The following DNAH3 variants were observed in gnomAD, a reference collection of about 807,000 sequenced individuals.
The protein encoded by DNAH3 is axonemal beta dynein heavy chain 3.
DNAH3 carries 332 observed loss-of-function variants against 432.5 expected under a neutral mutation model. The observed-to-expected ratio is 0.77, with a 90% CI of 0.70 to 0.84. DNAH3 has a LOEUF of 0.84. DNAH3 is among the 40% of genes least tolerant of loss of function. The pLI is 0.00. For missense variants in DNAH3, 4,861 were observed against 5,114.0 expected, an observed-to-expected ratio of 0.95 and a Z score of 1.51; for synonymous variants, 1,956 against 1,900.2, an observed-to-expected ratio of 1.03 and a Z score of -0.76.
At chr16:21,026,678 G>A (rs1409622179) in intron 38 of DNAH3, among the ~76,000 whole-genome samples, 1 of 139,696 alleles carries the variant, frequency 7.2e-6, no homozygotes, top group African/African-American at 2.7e-5. Context: ...TCCAGCCTGG[G>A]TGACAGAGTG....
intron 49 of DNAH3, among the ~76,000 whole-genome samples, chr16:20,980,785 G>A (rs552006210): frequency 6.6e-6 from 1 of 152,302 alleles, no homozygotes; most frequent in South Asian, 2.1e-4. Context: ...TTTAAAATTT[G>A]TAATATAGTA....
intron 44 of DNAH3, among the ~76,000 whole-genome samples, chr16:20,994,851 T>TA (rs869199695): frequency 2.1e-4 from 31 of 149,520 alleles, no homozygotes; most frequent in African/African-American, 6.1e-4. Flanking sequence ...TCTTTTTTTT[T>TA]AAAAAAATCC....
intron 12 of DNAH3, among the ~76,000 whole-genome samples, chr16:21,114,676 C>G (rs2152806461): frequency 6.6e-6 from 1 of 152,282 alleles, no homozygotes; most frequent in South Asian, 2.1e-4. Context: ...AAATGCAAAT[C>G]AAAACCACAA....
In DNAH3 at chr16:20,987,748, C is replaced by T. The variant is rs146276233; in HGVS notation, c.6827G>A (p.Arg2276Gln). 2.0e-4 allele frequency: 318 copies of T among 1,614,110 alleles called. No individual in the cohort carries two copies. In the East Asian group the frequency reaches 6.3e-3, roughly 32 times the overall value. ...CCCTTGAATCACTCGTGAGAAGTCC[C>T]GCAGGTTAAAGACGTAATGTGACTT... The change falls in exon 46 of 62, where the codon CGG (arginine) becomes CAG (glutamine). Residue 2276 changes from arginine (R) to glutamine (Q), a missense_variant. Coordinates refer to ENST00000261383, the Ensembl canonical transcript of DNAH3.
chr16:20,970,013 GGAGAT>G (rs779037191), intron 51 of DNAH3, 23 bp from the exon 52 acceptor site: 31 of 1,611,176 alleles, frequency 1.9e-5, no homozygotes, highest in Non-Finnish European at 2.5e-5. Flanking sequence ...TGAGGACAAA[GGAGAT>G]GAGTGCCCAG....
At position 20,952,565 on chromosome 16, in the gene DNAH3, CAG is replaced by C. The variant is rs778318607; in HGVS notation, c.11072-18_11072-17del. The C allele has an allele frequency of 2.9e-4, 430 of 1,502,990 alleles. 2 individuals are homozygous for C. Among genetic ancestry groups the C allele is most frequent in the South Asian group, 2.3e-3 (200 of 88,838 alleles). The allele number at this position is 1,502,990 out of a possible 1,614,324, so 93.1% of individuals were successfully genotyped here. ...ATATTCCACCCTGCGTGTGGGAGAG[CAG>C]AGAGAGGCTTCAGTGCTGAGAGCTC... On this transcript the variant is annotated splice_polypyrimidine_tract_variant and intron_variant, in intron 55 of 61. Transcript: ENST00000261383.
intron 38 of DNAH3, among the ~76,000 whole-genome samples, chr16:21,025,672 T>C (rs1178340656): frequency 6.6e-6 from 1 of 151,980 alleles, no homozygotes; most frequent in African/African-American, 2.4e-5. Flanking sequence ...GAGTACTTTA[T>C]TATACATATT....
At chr16:21,048,352 A>C (rs2089803899) in intron 31 of DNAH3, among the ~76,000 whole-genome samples, 1 of 152,174 alleles carries the variant, frequency 6.6e-6, no homozygotes, top group South Asian at 2.1e-4. Flanking sequence ...GGACCCTCCG[A>C]GCCAGGTGCA....
chr16:20,994,859 T>G (rs12923879), intron 44 of DNAH3, among the ~76,000 whole-genome samples: 4 of 151,978 alleles, frequency 2.6e-5, no homozygotes, highest in Non-Finnish European at 4.4e-5. Context: ...TTTAAAAAAA[T>G]CCTCCTTTTA....
intron 29 of DNAH3, 28 bp downstream of exon 29, chr16:21,051,642 C>T (rs376440232): frequency 6.2e-7 from 1 of 1,609,992 alleles, no homozygotes; most frequent in Non-Finnish European, 8.5e-7. Context: ...TCCGTTCACC[C>T]CTCAGATCTA....
chr16:21,151,009 T>C (rs1246578354), intron 1 of DNAH3, among the ~76,000 whole-genome samples, 163 bp from the exon 1 acceptor site: 1 of 152,160 alleles, frequency 6.6e-6, no homozygotes, highest in African/African-American at 2.4e-5. Context: ...GGAAGGTGTT[T>C]AGCAATGTTC....
intron 44 of DNAH3, among the ~76,000 whole-genome samples, chr16:20,996,188 T>G (rs2086754599): frequency 6.6e-6 from 1 of 152,182 alleles, no homozygotes; most frequent in African/African-American, 2.4e-5. Context: ...TTTCCATAGT[T>G]TTTTATACAT....
chr16:21,030,997 G>C, intron 37 of DNAH3, 48 bp downstream of exon 37: 1 of 1,594,542 alleles, frequency 6.3e-7, no homozygotes, highest in Non-Finnish European at 8.6e-7. Context: ...TTCAATAAAA[G>C]AGTTTATGTC....
chr16:21,059,189 A>T (rs777425767), intron 26 of DNAH3, among the ~76,000 whole-genome samples: 20 of 152,202 alleles, frequency 1.3e-4, no homozygotes, highest in Non-Finnish European at 2.5e-4. Flanking sequence ...AAATAGTTGC[A>T]TTGGGAATGT....
chr16:21,078,990 C>T (rs376410710), intron 20 of DNAH3, among the ~76,000 whole-genome samples: 7 of 152,168 alleles, frequency 4.6e-5, no homozygotes, highest in South Asian at 4.1e-4. Flanking sequence ...GGAACCAAGG[C>T]GCACAGAAGG....
chr16:20,979,615 T>G, intron 49 of DNAH3, 69 bp from the exon 50 acceptor site: 6 of 1,410,070 alleles, frequency 4.3e-6, no homozygotes, highest in Non-Finnish European at 6.0e-6. Flanking sequence ...CAGCTTTAGT[T>G]ATAGACATGA....
intron 51 of DNAH3, among the ~76,000 whole-genome samples, chr16:20,970,396 C>T (rs1190037104): frequency 6.6e-6 from 1 of 152,050 alleles, no homozygotes; most frequent in African/African-American, 2.4e-5. Flanking sequence ...TGGTGGTGGG[C>T]GCTTGTAATC....
intron 35 of DNAH3, among the ~76,000 whole-genome samples, chr16:21,034,853 G>C (rs1337127105): frequency 6.6e-6 from 1 of 152,160 alleles, no homozygotes; most frequent in Non-Finnish European, 1.5e-5. Flanking sequence ...CACTGTTCTG[G>C]GTGCTGTAGA....
At chr16:21,134,234 A>G (rs762977213) in intron 7 of DNAH3, 25 bp downstream of exon 8, 2 of 1,550,736 alleles carry the variant, frequency 1.3e-6, no homozygotes, top group African/African-American at 1.4e-5. Flanking sequence ...AAAGGGAATG[A>G]AAAAAAAAGG....
Sources: allele counts gnomAD v4.1 joint callset (sites outside exome capture counted in the v4.1 genomes callset), GRCh38; gene constraint gnomAD v4.1.1; transcripts MANE v1.5; gene names NCBI Gene and HGNC (gene_info 2026-07-23, HGNC 2026-07-21).